The following C6orf132 variants were observed in gnomAD, a reference collection of about 807,000 sequenced individuals.
C6orf132 encodes the protein chromosome 6 open reading frame 132, also known as uncharacterized protein C6orf132.
C6orf132 carries 43 observed loss-of-function variants against 65.3 expected under a neutral mutation model. The observed-to-expected ratio is 0.66, with a 90% CI of 0.52 to 0.85. C6orf132 has a LOEUF of 0.85. C6orf132 is among the 40% of genes least tolerant of loss of function. The probability of loss-of-function intolerance (pLI) is 0.00; values close to 1 mark genes in which losing one functional copy is unlikely to be tolerated. For synonymous variants in C6orf132, 631 were observed against 654.1 expected (o/e 0.96, Z 0.54); for missense variants, 1,488 against 1,548.8 (o/e 0.96, Z 0.66).
At chr6:42,133,291 G>A (rs887437540) in intron 1 of C6orf132, among the ~76,000 whole-genome samples, 2 of 152,232 alleles carry the variant, frequency 1.3e-5, no homozygotes, top group Admixed American at 6.5e-5. Context: ...ATTTGCTCTC[G>A]GAACAAGACT....
At chr6:42,103,983 G>A in intron 4 of C6orf132, 105 bp from the exon 5 acceptor site, 1 of 806,954 alleles carries the variant, frequency 1.2e-6, no homozygotes, top group Non-Finnish European at 1.7e-6. Flanking sequence ...TCATACTTCT[G>A]TATTTGCCCC....
chr6:42,137,817 G>A lies in C6orf132; in HGVS notation c.145+4483C>T, dbSNP rs9471783. 2.7e-3 allele frequency among the ~76,000 whole-genome samples: 292 copies of A among 108,716 alleles called. 4 individuals carry two copies. The highest frequency in any genetic ancestry group is 9.6e-3 in the Middle Eastern group (2 of 208). 71.3% of individuals were successfully genotyped at this position (108,716 alleles called of 152,430 possible). Reference sequence around the variant, plus strand: ...CACTTTGGGAGGCCGAGGCAGGGGCGGGGGCGGGGCGGGGCGGGGCGGGGC... The same window carrying A: ...CACTTTGGGAGGCCGAGGCAGGGGCAGGGGCGGGGCGGGGCGGGGCGGGGC... On this transcript the variant is annotated intron_variant, in intron 1 of 4. Transcript: ENST00000341865.
At chr6:42,107,991 C>G (rs901443304) in intron 3 of C6orf132, among the ~76,000 whole-genome samples, 1 of 152,194 alleles carries the variant, frequency 6.6e-6, no homozygotes, top group African/African-American at 2.4e-5. Context: ...CCCGCAGACA[C>G]AGGTCCTGTC....
At position 42,142,349 on chromosome 6, in the gene C6orf132, C is replaced by T. The variant is rs1305966978; in HGVS notation, c.96G>A (p.Pro32=). ...TPSTSLYATN[P]PWIFTQEAPE... is the part of the protein sequence containing the mutation. ...GGGCCTCCTGGGTGAAGATCCAGGG[C>T]GGATTGGTGGCGTAGAGGGAGGTGC... The change falls in exon 1 of 5, where the codon CCG becomes CCA. Residue 32 remains proline, a synonymous_variant. Coordinates refer to ENST00000341865, the MANE Select transcript of C6orf132 (RefSeq NM_001164446.3). The T allele has an allele frequency of 6.4e-7, 1 of 1,551,450 alleles. No individual in the cohort carries two copies. The highest frequency in any genetic ancestry group is 8.7e-7 in the Non-Finnish European group (1 of 1,146,868).
chr6:42,115,501 C>T (rs942369794), intron 2 of C6orf132, among the ~76,000 whole-genome samples: 9 of 151,356 alleles, frequency 5.9e-5, no homozygotes, highest in Non-Finnish European at 1.5e-5. Context: ...AAAATATTAG[C>T]CCGGCATGGT....
rs1265045018 is a variant in C6orf132 at position 42,104,853 on chromosome 6, A to G, written c.3059T>C (p.Leu1020Ser). Residue 1020 changes from leucine (L) to serine (S), a missense_variant, in exon 4 of 5, where the codon TTG (leucine) becomes TCG (serine). Coordinates refer to ENST00000341865, the MANE Select transcript of C6orf132 (RefSeq NM_001164446.3). The surrounding 1 kb of genome is among the most constrained non-coding windows in gnomAD (Gnocchi z 4.1). ...SSPPRNNYSD[L>S]RQLPNAGPGA... The stretch of plus-strand genomic sequence containing the variant: ...GGGGCCAGCGTTCGGGAGCTGCCTC[A>G]AGTCTGAGTAGTTGTTCCGGGGAGG... The G allele has an allele frequency of 1.0e-5, 15 of 1,451,450 alleles. No homozygotes were observed. The highest frequency in any genetic ancestry group is 1.4e-5 in the African/African-American group (1 of 69,848). The allele number at this position is 1,451,450 out of a possible 1,614,324, so 89.9% of individuals were successfully genotyped here. A position where few individuals can be genotyped will look rare whatever the true frequency, so the allele number is the denominator to read the frequency against.
chr6:42,126,135 G>A (rs1435409572), intron 2 of C6orf132, among the ~76,000 whole-genome samples: 19 of 152,038 alleles, frequency 1.2e-4, no homozygotes, highest in Middle Eastern at 3.2e-3. Flanking sequence ...AGGCTGGAGT[G>A]CAGTGGTGCA....
At chr6:42,118,265 G>A (rs1255003858) in intron 2 of C6orf132, among the ~76,000 whole-genome samples, 1 of 152,206 alleles carries the variant, frequency 6.6e-6, no homozygotes, top group South Asian at 2.1e-4. Context: ...CAGGGTAGAG[G>A]CAGGAGTAGG....
intron 3 of C6orf132, among the ~76,000 whole-genome samples, chr6:42,108,919 T>TAACA (rs1303513997): frequency 2.6e-5 from 4 of 152,042 alleles, no homozygotes; most frequent in Non-Finnish European, 4.4e-5. Flanking sequence ...AGGGGAAAAC[T>TAACA]AACATTCACT....
chr6:42,125,980 T>C (rs1766757040), intron 2 of C6orf132, among the ~76,000 whole-genome samples: 1 of 152,050 alleles, frequency 6.6e-6, no homozygotes, highest in Non-Finnish European at 1.5e-5. Flanking sequence ...TAGTTGCTGC[T>C]TTTGGGGGTG....
chr6:42,109,050 C>T (rs9381139), intron 3 of C6orf132, among the ~76,000 whole-genome samples: 20,694 of 152,116 alleles, frequency 0.14, 2,239 homozygotes, highest in African/African-American at 0.29. Flanking sequence ...GGACAATGAA[C>T]ATAATGTGTG....
chr6:42,122,450 A>AGGATGGAGGTTTATGGGCCT (rs1468332190), intron 2 of C6orf132, among the ~76,000 whole-genome samples: 2 of 152,188 alleles, frequency 1.3e-5, no homozygotes, highest in East Asian at 3.9e-4. Flanking sequence ...GCCAGGATGA[A>AGGATGGAGGTTTATGGGCCT]GGATGGAGGT....
At position 42,106,505 on chromosome 6, in the gene C6orf132, C is replaced by G; in HGVS notation, c.1407G>C (p.Lys469Asn). ...VDWRDPSQME[K>N]LRNELAAYLC... ...GATAGGCTGCCAGCTCGTTCCGCAG[C>G]TTTTCCATCTGGCTGGGGTCCCTCC... The change falls in exon 4 of 5, where the codon AAG (lysine) becomes AAC (asparagine). Residue 469 changes from lysine (K) to asparagine (N), a missense_variant. By Grantham distance (94) the Lys-to-Asn change is moderately conservative. Transcript: ENST00000341865. 2.0e-6 allele frequency: 3 copies of G among 1,535,992 alleles called. No homozygotes were observed. The South Asian group carries it at 3.6e-5, about 18-fold the overall frequency.
intron 4 of C6orf132, 72 bp from the exon 5 acceptor site, chr6:42,103,950 G>T: frequency 9.6e-7 from 1 of 1,046,702 alleles, no homozygotes. Context: ...TCTCCCCGAG[G>T]GACCGAGAGG....
chr6:42,134,721 C>T (rs1562042490), intron 1 of C6orf132, among the ~76,000 whole-genome samples: 1 of 149,296 alleles, frequency 6.7e-6, no homozygotes, highest in Admixed American at 6.7e-5. Flanking sequence ...TTGCAGTGAG[C>T]CGAGATTGAG....
chr6:42,128,145 C>T (rs1766794463), intron 2 of C6orf132, among the ~76,000 whole-genome samples: 1 of 149,564 alleles, frequency 6.7e-6, no homozygotes, highest in Non-Finnish European at 1.5e-5. Context: ...CCAGGATGGT[C>T]TCGATCTCCT....
At chr6:42,139,835 T>G (rs947445688) in intron 1 of C6orf132, among the ~76,000 whole-genome samples, 1 of 152,182 alleles carries the variant, frequency 6.6e-6, no homozygotes, top group Non-Finnish European at 1.5e-5. Flanking sequence ...TTAATGCTCT[T>G]CAAAGCACTA....
intron 1 of C6orf132, among the ~76,000 whole-genome samples, chr6:42,141,752 G>C (rs768072635): frequency 2.0e-5 from 3 of 152,168 alleles, no homozygotes; most frequent in Non-Finnish European, 2.9e-5. Flanking sequence ...TGCGCCTGTT[G>C]TTTTTTCCTG....
chr6:42,117,950 A>G (rs1158162788), intron 2 of C6orf132, among the ~76,000 whole-genome samples: 3 of 141,256 alleles, frequency 2.1e-5, no homozygotes, highest in Non-Finnish European at 4.6e-5. Context: ...AAAAAAAAAA[A>G]GAATATGGGA....
Sources: allele counts gnomAD v4.1 joint callset (sites outside exome capture counted in the v4.1 genomes callset), GRCh38; gene constraint gnomAD v4.1.1; non-coding constraint Gnocchi (gnomAD v3.1); transcripts MANE v1.5; gene names NCBI Gene and HGNC (gene_info 2026-07-23, HGNC 2026-07-21).